Variants in STRIP1 observed in about 807,000 individuals in gnomAD.
STRIP1 encodes the protein striatin interacting protein 1, also known as striatin-interacting protein 1.
STRIP1 carries 63 observed loss-of-function variants against 106.2 expected under a neutral mutation model. The ratio of observed to expected loss-of-function variants is 0.59; its 90% CI spans 0.48 to 0.73. The LOEUF (loss-of-function observed/expected upper bound fraction) is 0.73. Ranked by LOEUF, STRIP1 falls within the 30% of genes least tolerant of loss-of-function variation. The probability of loss-of-function intolerance (pLI) is 0.00; values close to 1 mark genes in which losing one functional copy is unlikely to be tolerated. For synonymous variants in STRIP1, 390 were observed against 413.0 expected (o/e 0.94, Z 0.67); for missense variants, 857 against 1,074.8 (o/e 0.80, Z 2.83).
intron 2 of STRIP1, 152 bp downstream of exon 2, chr1:110,038,112 A>G (rs1200938403): frequency 7.6e-5 from 12 of 157,772 alleles, no homozygotes; most frequent in South Asian, 2.1e-4. Flanking sequence ...ATATATATAT[A>G]TGTATAAAAC....
chr1:110,031,892 T>A (rs1297240160), upstream of STRIP1, among the ~76,000 whole-genome samples: 2 of 151,800 alleles, frequency 1.3e-5, no homozygotes, highest in Non-Finnish European at 2.9e-5. Flanking sequence ...AAAATTTTTT[T>A]AATTTGATTT....
Position 110,053,936 on chromosome 1 carries a change from T to C in STRIP1, c.*24T>C, listed in dbSNP as rs182019786. 29 of 1,612,834 alleles carry C rather than the reference T, an allele frequency of 1.8e-5. No homozygotes were observed. The Admixed American group carries it at 4.3e-4, about 24-fold the overall frequency. ...GAGGCTGTTGGTTAGGGGACTGAAA[T>C]GGAGAGAAAAGATGATCTGAAGGTA... On this transcript the variant is annotated 3_prime_UTR_variant, in exon 21 of 21. Transcript: ENST00000369795.
chr1:110,034,729 C>G lies in STRIP1; in HGVS notation c.92C>G (p.Pro31Arg). 6.7e-7 allele frequency: 1 copy of G among 1,499,892 alleles called. No homozygotes were observed. 92.9% of individuals were successfully genotyped at this position (1,499,892 alleles called of 1,614,324 possible). Residue 31 changes from proline to arginine, a missense_variant, in exon 1 of 21, where the codon CCA becomes CGA. Transcript: ENST00000369795. ...CCTCCGCCGCCGGCAGCCGCACAGC[C>G]ACCACCCGGGGCACCGCGGGCCGCC... ...PPPPPPAAAQPPPGAPRAAAG... is the reference protein window; with the variant it reads ...PPPPPPAAAQRPPGAPRAAAG...
chr1:110,050,413 A>G lies in STRIP1; in HGVS notation c.1956+4A>G. 1 of 1,614,050 alleles carries G rather than the reference A, an allele frequency of 6.2e-7. No individual in the cohort carries two copies. The highest frequency in any genetic ancestry group is 8.5e-7 in the Non-Finnish European group (1 of 1,179,956). ...AGAGCTGACGGCGGAGAGTTTGGTGAGTGGCTGGGCTCTCCTCAGCTGTCC... is the reference window on the plus strand; with the variant it reads ...AGAGCTGACGGCGGAGAGTTTGGTGGGTGGCTGGGCTCTCCTCAGCTGTCC... On this transcript the variant is annotated splice_donor_region_variant and intron_variant, in intron 18 of 20. Coordinates refer to ENST00000369795, the MANE Select transcript of STRIP1 (RefSeq NM_033088.4).
chr1:110,040,560 T>C (rs1557789338), intron 5 of STRIP1, 75 bp from the exon 6 acceptor site: 1 of 1,397,518 alleles, frequency 7.2e-7, no homozygotes, highest in Non-Finnish European at 9.8e-7. Flanking sequence ...TGTTTCCCCA[T>C]TGGTCAGTAC....
chr1:110,043,931 T>C, intron 10 of STRIP1, 75 bp downstream of exon 10: 1 of 1,323,488 alleles, frequency 7.6e-7, no homozygotes, highest in Non-Finnish European at 1.1e-6. Context: ...CCACCTGGCC[T>C]GTGTCACCAT....
intron 20 of STRIP1, among the ~76,000 whole-genome samples, chr1:110,052,953 A>G (rs1653372599): frequency 6.6e-6 from 1 of 152,222 alleles, no homozygotes; most frequent in African/African-American, 2.4e-5. Context: ...CCTTAGAATT[A>G]GATTCAGACT....
rs777948566 is a variant in STRIP1 at position 110,049,581 on chromosome 1, T to C, written c.1889+21T>C. On this transcript the variant is annotated intron_variant, in intron 17 of 20. Coordinates refer to ENST00000369795, the MANE Select transcript of STRIP1 (RefSeq NM_033088.4). ...AACAGGTGATGAGGGCCAGGGACCA[T>C]GAAGGGGTGGATATGGTCAGACGGC... 16 of 1,550,546 alleles carry C rather than the reference T, an allele frequency of 1.0e-5. No homozygotes were observed. The Middle Eastern group carries it at 1.0e-3, about 98-fold the overall frequency.
chr1:110,046,690 C>T lies in STRIP1; in HGVS notation c.1427C>T (p.Thr476Met), dbSNP rs182365138. 40 of 1,613,148 alleles carry T rather than the reference C, an allele frequency of 2.5e-5. No individual in the cohort carries two copies. In the Admixed American group the frequency reaches 2.7e-4, roughly 11 times the overall value. ...CATCTCTCCCACCAGCACAAGTACACGTCGATTGCAGAGGTCCAGGCACAG... is the reference window on the plus strand; with the variant it reads ...CATCTCTCCCACCAGCACAAGTACATGTCGATTGCAGAGGTCCAGGCACAG... The part of the protein sequence containing the change: ...SIKTLKQHKY[T>M]SIAEVQAQME... Residue 476 changes from threonine (T) to methionine (M), a missense_variant, in exon 13 of 21, where the codon ACG becomes ATG. Physicochemically the swap from Thr to Met is moderately conservative, Grantham distance 81. Around this residue, in one of 2 missense-constraint regions of STRIP1, gnomAD observed 750 missense variants for 989.8 expected, o/e 0.76. Coordinates refer to ENST00000369795, the MANE Select transcript of STRIP1 (RefSeq NM_033088.4).
chr1:110,038,051 T>G (rs1429713668), intron 2 of STRIP1, 91 bp downstream of exon 2: 1 of 528,734 alleles, frequency 1.9e-6, no homozygotes, highest in Non-Finnish European at 3.4e-6. Flanking sequence ...AGGGCTTCAT[T>G]GCTTTCCCTA....
chr1:110,049,835 C>CTTTTTT, intron 17 of STRIP1: 1 of 234,370 alleles, frequency 4.3e-6, no homozygotes, highest in Non-Finnish European at 8.0e-6. Flanking sequence ...CCCTTCTGTA[C>CTTTTTT]TTTTTTTTTT....
chr1:110,041,390 C>T (rs1049253268), intron 6 of STRIP1, 146 bp from the exon 7 acceptor site: 1 of 619,036 alleles, frequency 1.6e-6, no homozygotes, highest in African/African-American at 1.8e-5. Context: ...GTGGTAAATG[C>T]TTTTGGCCAT....
At position 110,034,661 on chromosome 1, in the gene STRIP1, G is replaced by A. The variant is rs1485273967; in HGVS notation, c.24G>A (p.Pro8=). The change falls in exon 1 of 21, where the codon CCG becomes CCA. Residue 8 remains proline, a synonymous_variant. Coordinates refer to ENST00000369795, the MANE Select transcript of STRIP1 (RefSeq NM_033088.4). MEPAVGG[P]GPLIVNNKQP... is the part of the protein sequence containing the mutation. ...AGATGGAGCCGGCAGTCGGCGGTCCGGGCCCACTGATCGTGAACAACAAAC... is the reference window on the plus strand; with the variant it reads ...AGATGGAGCCGGCAGTCGGCGGTCCAGGCCCACTGATCGTGAACAACAAAC... The A allele has an allele frequency of 2.6e-6, 4 of 1,523,054 alleles. No homozygotes were observed. Among genetic ancestry groups the A allele is most frequent in the East Asian group, 2.7e-5 (1 of 36,420 alleles). 94.3% of individuals were successfully genotyped at this position (1,523,054 alleles called of 1,614,324 possible). A position where few individuals can be genotyped will look rare whatever the true frequency, so the allele number is the denominator to read the frequency against.
intron 8 of STRIP1, 183 bp from the exon 9 acceptor site, chr1:110,042,904 CT>C: frequency 1.7e-6 from 1 of 584,868 alleles, no homozygotes; most frequent in Non-Finnish European, 3.0e-6. Flanking sequence ...CCTTTTTCTC[CT>C]TTCCCTTGCG....
At chr1:110,044,815 T>C in intron 10 of STRIP1, 25 bp from the exon 11 acceptor site, 1 of 1,585,942 alleles carries the variant, frequency 6.3e-7, no homozygotes, top group South Asian at 1.2e-5. Context: ...CTTTTTTCTT[T>C]CTCTCTTTTT....
chr1:110,040,062 G>A (rs1366775652), intron 5 of STRIP1: 3 of 454,736 alleles, frequency 6.6e-6, no homozygotes, highest in Non-Finnish European at 1.2e-5. Context: ...TAAGGATATA[G>A]GTACTACTGT....
intron 13 of STRIP1, 66 bp from the exon 14 acceptor site, chr1:110,047,476 A>C: frequency 7.6e-7 from 1 of 1,314,648 alleles, no homozygotes; most frequent in Non-Finnish European, 1.1e-6. Flanking sequence ...CCAGCCAGCT[A>C]GGAAGCTGGC....
In STRIP1 at chr1:110,034,793, C is replaced by A; in HGVS notation, c.156C>A (p.Asn52Lys). Reference protein sequence around the residue: ...LLPGGKAREFNRNQRKDSEGY... With the variant: ...LLPGGKAREFKRNQRKDSEGY... ...CTGGGGGCAAAGCCCGCGAGTTCAACCGCAACCAGCGCAAAGACTCAGAGG... is the reference window on the plus strand; with the variant it reads ...CTGGGGGCAAAGCCCGCGAGTTCAAACGCAACCAGCGCAAAGACTCAGAGG... Residue 52 changes from asparagine to lysine, a missense_variant, in exon 1 of 21, where the codon AAC (asparagine) becomes AAA (lysine). Asn to Lys is a moderately conservative substitution (Grantham distance 94). This residue lies in a region of STRIP1 where 107 missense variants were observed against 85.1 expected (regional missense o/e 1.26). Coordinates refer to ENST00000369795, the MANE Select transcript of STRIP1 (RefSeq NM_033088.4). 1 of 1,421,188 alleles carries A rather than the reference C, an allele frequency of 7.0e-7. No homozygotes were observed. Among genetic ancestry groups the A allele is most frequent in the Non-Finnish European group, 9.1e-7 (1 of 1,093,306 alleles). The allele number at this position is 1,421,188 out of a possible 1,614,324, so 88.0% of individuals were successfully genotyped here. A position where few individuals can be genotyped will look rare whatever the true frequency, so the allele number is the denominator to read the frequency against.
intron 1 of STRIP1, among the ~76,000 whole-genome samples, chr1:110,037,129 C>T (rs1652497494): frequency 6.6e-6 from 1 of 152,178 alleles, no homozygotes; most frequent in Non-Finnish European, 1.5e-5. Context: ...GCCACCTCGC[C>T]TGGCCATTGT....
Sources: allele counts gnomAD v4.1 joint callset (sites outside exome capture counted in the v4.1 genomes callset), GRCh38; gene constraint gnomAD v4.1.1; regional missense constraint gnomAD v4.1.1; transcripts MANE v1.5; gene names NCBI Gene and HGNC (gene_info 2026-07-23, HGNC 2026-07-21).